The following ARID3A variants were observed in gnomAD, a reference collection of about 807,000 sequenced individuals.
ARID3A encodes AT-rich interactive domain-containing protein 3A.
A neutral mutation model predicts 52.7 loss-of-function variants in ARID3A; 11 were observed. The ratio of observed to expected loss-of-function variants is 0.21; its 90% CI spans 0.13 to 0.35. The LOEUF (loss-of-function observed/expected upper bound fraction) is 0.35. Among genes scored for constraint, ARID3A ranks in the 10% least tolerant of loss-of-function variants. The probability of loss-of-function intolerance (pLI) is 1.00; values close to 1 mark genes in which losing one functional copy is unlikely to be tolerated. For synonymous variants in ARID3A, 404 were observed against 359.4 expected, an observed-to-expected ratio of 1.12 and a Z score of -1.40; for missense variants, 721 against 838.5, an observed-to-expected ratio of 0.86 and a Z score of 1.73.
chr19:972,131 C>T lies in ARID3A; in HGVS notation c.*66C>T, dbSNP rs2038290184. The T allele has an allele frequency of 7.0e-7, 1 of 1,426,660 alleles. No individual in the cohort carries two copies. The highest frequency in any genetic ancestry group is 1.4e-5 in the South Asian group (1 of 71,316). The allele number at this position is 1,426,660 out of a possible 1,614,324, so 88.4% of individuals were successfully genotyped here. On this transcript the variant is annotated 3_prime_UTR_variant, in exon 9 of 9. Coordinates refer to ENST00000263620, the MANE Select transcript of ARID3A (RefSeq NM_005224.3). ...GGCCTGGGCAGGGGGTCCAGGTGGG[C>T]CACACAGGGGCCAGGATGGCGGAAG... is the stretch of plus-strand genomic sequence containing the variant.
At chr19:957,288 G>A (rs1386535098) in intron 3 of ARID3A, among the ~76,000 whole-genome samples, 1 of 152,164 alleles carries the variant, frequency 6.6e-6, no homozygotes, top group South Asian at 2.1e-4. Flanking sequence ...GGCTCCAGGT[G>A]CGGGGAAGCC....
In ARID3A at chr19:968,464, A is replaced by T; in HGVS notation, c.1555A>T (p.Ile519Phe). ...NLTGTNGSNS[I>F]SMSVEINGIM... is the part of the protein sequence containing the mutation. ...GACGGGCACCAACGGCAGCAACAGC[A>T]TCAGCATGTCGGTGGAGATCAACGG... The change falls in exon 8 of 9, where the codon ATC becomes TTC. Residue 519 changes from isoleucine (I) to phenylalanine (F), a missense_variant. Physicochemically the swap from Ile to Phe is conservative, Grantham distance 21. This residue lies in a region of ARID3A where 297 missense variants were observed against 343.2 expected (regional missense o/e 0.87). Transcript: ENST00000263620. 2 of 1,614,072 alleles carry T rather than the reference A, an allele frequency of 1.2e-6. No homozygotes were observed. Among genetic ancestry groups the T allele is most frequent in the Non-Finnish European group, 1.7e-6 (2 of 1,179,988 alleles).
intron 3 of ARID3A, among the ~76,000 whole-genome samples, chr19:939,978 G>A (rs1034657836): frequency 3.3e-5 from 5 of 152,170 alleles, no homozygotes; most frequent in South Asian, 2.1e-4. Context: ...CCGTGGCCTC[G>A]CCACGTCCAT....
intron 6 of ARID3A, 34 bp downstream of exon 6, chr19:965,114 C>G (rs765957882): frequency 1.3e-6 from 2 of 1,557,898 alleles, no homozygotes; most frequent in South Asian, 1.2e-5. Context: ...GGCGTGTTCC[C>G]AACTGAGCTT....
At chr19:926,258 G>A (rs994491630) in intron 1 of ARID3A, among the ~76,000 whole-genome samples, 199 bp downstream of exon 1, 9 of 144,466 alleles carry the variant, frequency 6.2e-5, no homozygotes, top group Middle Eastern at 3.3e-3. Flanking sequence ...GGTGGGCGCA[G>A]TGCGTCCTGG....
In ARID3A at chr19:941,389, G is replaced by T. The variant is rs2037551862; in HGVS notation, c.693+8647G>T. The stretch of plus-strand genomic sequence containing the variant: ...CACCGGGCACCTGCTGGATTCTGTG[G>T]GTCTCGTGTGTGGGGCTGTGTGCAC... On this transcript the variant is annotated intron_variant, in intron 3 of 8. Transcript: ENST00000263620. This position sits in a 1 kb window ranked among gnomAD's most constrained non-coding sequence, Gnocchi z 6.9. 6.6e-6 allele frequency among the ~76,000 whole-genome samples: 1 copy of T among 152,222 alleles called. No homozygotes were observed. The highest frequency in any genetic ancestry group is 2.4e-5 in the African/African-American group (1 of 41,464).
chr19:939,426 A>G (rs1431251740), intron 3 of ARID3A, among the ~76,000 whole-genome samples: 1 of 152,038 alleles, frequency 6.6e-6, no homozygotes, highest in Non-Finnish European at 1.5e-5. Flanking sequence ...CTCTCGATAC[A>G]CTTTTGGTTC....
intron 3 of ARID3A, among the ~76,000 whole-genome samples, chr19:958,917 T>A (rs981390036): frequency 6.6e-6 from 1 of 152,044 alleles, no homozygotes; most frequent in Non-Finnish European, 1.5e-5. Flanking sequence ...ATATTTCTTG[T>A]GCACCTTTTC....
At chr19:962,830 T>C (rs143260075) in intron 4 of ARID3A, among the ~76,000 whole-genome samples, 1 of 152,278 alleles carries the variant, frequency 6.6e-6, no homozygotes, top group African/African-American at 2.4e-5. Flanking sequence ...CCGTTACTTT[T>C]ACTTTGCAAA....
intron 3 of ARID3A, among the ~76,000 whole-genome samples, chr19:949,362 C>G (rs567310228): frequency 6.6e-6 from 1 of 151,498 alleles, no homozygotes; most frequent in Non-Finnish European, 1.5e-5. Context: ...GGGCCTCCGC[C>G]GTGCCAGATA....
intron 6 of ARID3A, 86 bp downstream of exon 6, chr19:965,166 C>A (rs2038123072): frequency 7.0e-7 from 1 of 1,419,608 alleles, no homozygotes; most frequent in Non-Finnish European, 9.3e-7. Flanking sequence ...CTTCCCCTCT[C>A]TGGGTAACCA....
rs1019560008 is a variant in ARID3A at position 932,530 on chromosome 19, C to A, written c.481C>A (p.Pro161Thr). Residue 161 changes from proline (P) to threonine (T), a missense_variant, in exon 3 of 9, where the codon CCC becomes ACC. Around this residue, in one of 5 missense-constraint regions of ARID3A, gnomAD observed 349 missense variants for 297.3 expected, o/e 1.17. Transcript: ENST00000263620. ...GGAGGAGGACGAGGAGGGGCTGGGC[C>A]CCCCAGGCCCTGCCAGCTTGGGCAC... ...EEEEDEEGLG[P>T]PGPASLGTTA... 1.3e-6 allele frequency: 2 copies of A among 1,521,568 alleles called. No homozygotes were observed. The highest frequency in any genetic ancestry group is 1.8e-6 in the Non-Finnish European group (2 of 1,138,864). 94.3% of individuals were successfully genotyped at this position (1,521,568 alleles called of 1,614,324 possible). A position where few individuals can be genotyped will look rare whatever the true frequency, so the allele number is the denominator to read the frequency against.
intron 8 of ARID3A, among the ~76,000 whole-genome samples, chr19:970,493 T>C (rs1292056153): frequency 6.9e-6 from 1 of 144,990 alleles, no homozygotes; most frequent in African/African-American, 2.5e-5. Flanking sequence ...AAATGAATAG[T>C]TTTTCTTTTT....
chr19:957,145 T>C (rs2037938686), intron 3 of ARID3A, among the ~76,000 whole-genome samples: 1 of 151,670 alleles, frequency 6.6e-6, no homozygotes. Flanking sequence ...TCCTGGCTCC[T>C]TGTACCCCAG....
At chr19:954,941 C>T (rs1258631365) in intron 3 of ARID3A, among the ~76,000 whole-genome samples, 2 of 152,180 alleles carry the variant, frequency 1.3e-5, no homozygotes, top group Admixed American at 6.5e-5. Flanking sequence ...GTGCGGGCCG[C>T]TTATCTCGGC....
chr19:932,776 A>G, intron 3 of ARID3A, 34 bp downstream of exon 3: 2 of 1,545,574 alleles, frequency 1.3e-6, no homozygotes, highest in African/African-American at 1.4e-5. Context: ...CGGCTGAGGC[A>G]CCTGCTCCTG....
chr19:932,484 G>T lies in ARID3A; in HGVS notation c.435G>T (p.Glu145Asp). Residue 145 changes from glutamate (E) to aspartate (D), a missense_variant, in exon 3 of 9, where the codon GAG becomes GAT. By Grantham distance (45) the Glu-to-Asp change is conservative (BLOSUM62 2). Around this residue, in one of 5 missense-constraint regions of ARID3A, gnomAD observed 349 missense variants for 297.3 expected, o/e 1.17. Coordinates refer to ENST00000263620, the MANE Select transcript of ARID3A (RefSeq NM_005224.3). ...DLGEDEEEEE[E>D]DYEDEEEEED... ...GGGAGGATGAGGAGGAGGAGGAGGA[G>T]GATTACGAGGATGAGGAGGAGGAGG... is the stretch of plus-strand genomic sequence containing the variant. The T allele has an allele frequency of 6.4e-7, 1 of 1,565,866 alleles. No individual in the cohort carries two copies. Among genetic ancestry groups the T allele is most frequent in the Non-Finnish European group, 8.6e-7 (1 of 1,162,540 alleles).
In ARID3A at chr19:975,133, C is replaced by G. The variant is rs538876897; in HGVS notation, c.*3068C>G. 2.1e-3 allele frequency: 489 copies of G among 230,866 alleles called. 1 individual carries two copies. Among genetic ancestry groups the G allele is most frequent in the Admixed American group, 4.8e-3 (84 of 17,616 alleles). 14.3% of individuals were successfully genotyped at this position (230,866 alleles called of 1,614,324 possible). A position where few individuals can be genotyped will look rare whatever the true frequency, so the allele number is the denominator to read the frequency against. On this transcript the variant is annotated 3_prime_UTR_variant, in exon 9 of 9. Coordinates refer to ENST00000263620, the MANE Select transcript of ARID3A (RefSeq NM_005224.3). ...GCTTTCTGGGGTGCAGCTCAGCACC[C>G]CCCCTTATGCAGACTGGGAGGGGGT...
chr19:929,608 T>C lies in ARID3A; in HGVS notation c.80T>C (p.Leu27Pro). The C allele has an allele frequency of 6.6e-7, 1 of 1,524,534 alleles. No homozygotes were observed. The highest frequency in any genetic ancestry group is 1.4e-5 in the African/African-American group (1 of 71,436). The allele number at this position is 1,524,534 out of a possible 1,614,324, so 94.4% of individuals were successfully genotyped here. A position where few individuals can be genotyped will look rare whatever the true frequency, so the allele number is the denominator to read the frequency against. The change falls in exon 2 of 9, where the codon CTG becomes CCG. Residue 27 changes from leucine (L) to proline (P), a missense_variant. Leu to Pro is a moderately conservative substitution (Grantham distance 98). Coordinates refer to ENST00000263620, the MANE Select transcript of ARID3A (RefSeq NM_005224.3). This position sits in a 1 kb window ranked among gnomAD's most constrained non-coding sequence, Gnocchi z 6.2. ...CAGGAGCTGGAGGCCCGGCAGCAGC[T>C]GCCCCCCGATCCCCCTGCTGCACCC... ...ARQELEARQQ[L>P]PPDPPAAPPG...
Sources: allele counts gnomAD v4.1 joint callset (sites outside exome capture counted in the v4.1 genomes callset), GRCh38; gene constraint gnomAD v4.1.1; regional missense constraint gnomAD v4.1.1; non-coding constraint Gnocchi (gnomAD v3.1); transcripts MANE v1.5; gene names NCBI Gene and HGNC (gene_info 2026-07-23, HGNC 2026-07-21).